LMO7: variants seen among roughly 807,000 people sequenced by gnomAD.
LMO7 encodes the protein LIM domain only protein 7.
Under a neutral mutation model 206.5 loss-of-function variants are expected in LMO7, and 120 were observed. That is an observed-to-expected ratio of 0.58 (90% CI 0.50 to 0.68). The LOEUF (loss-of-function observed/expected upper bound fraction) is 0.68, where lower values mean the gene tolerates loss of function less well. LMO7 is among the 30% of genes least tolerant of loss of function. The probability of loss-of-function intolerance (pLI) is 0.00; values close to 1 mark genes in which losing one functional copy is unlikely to be tolerated. For synonymous variants in LMO7, 706 were observed against 681.5 expected (o/e 1.04, Z -0.56); for missense variants, 1,959 against 1,957.9 (o/e 1.00, Z -0.01).
chr13:75,848,915 C>A (rs74979551), intron 26 of LMO7, 164 bp from the exon 27 acceptor site: 2 of 584,286 alleles, frequency 3.4e-6, no homozygotes, highest in African/African-American at 3.7e-5. Flanking sequence ...TTCACACCAA[C>A]GTCTATTATT....
Position 75,688,352 on chromosome 13 carries a change from C to T in LMO7, c.70-24830C>T, listed in dbSNP as rs1039190665. 5.9e-5 allele frequency among the ~76,000 whole-genome samples: 9 copies of T among 152,076 alleles called. No homozygotes were observed. The South Asian group carries it at 8.3e-4, about 14-fold the overall frequency. On this transcript the variant is annotated intron_variant, in intron 1 of 30. Coordinates refer to ENST00000377534, the MANE Select transcript of LMO7 (RefSeq NM_001306080.2). ...CATATGTATGCTTAGAATTCTTGTG[C>T]GAATAACAGAAAGCTCCATTTCATT...
In LMO7 at chr13:75,817,170, C is replaced by T. The variant is rs769803753; in HGVS notation, c.1956C>T (p.Ser652=). Residue 652 remains serine, a synonymous_variant, in exon 12 of 31, where the codon TCC becomes TCT. Coordinates refer to ENST00000377534, the MANE Select transcript of LMO7 (RefSeq NM_001306080.2). ...QKIYGENGSK[S]MSDVSAEDVQ... is the part of the protein sequence containing the mutation. ...AGTCTTTTTGTTGTAGGAGTAAGTC[C>T]ATGAGTGATGTCAGCGCAGAAGATG... 7 of 1,612,092 alleles carry T rather than the reference C, an allele frequency of 4.3e-6. No homozygotes were observed. In the African/African-American group the frequency reaches 9.4e-5, roughly 22 times the overall value.
chr13:75,641,253 A>G (rs2036502972), intron 1 of LMO7, among the ~76,000 whole-genome samples: 1 of 152,162 alleles, frequency 6.6e-6, no homozygotes, highest in Non-Finnish European at 1.5e-5. Flanking sequence ...AGTGGGGTTA[A>G]CCCATCTGCC....
intron 11 of LMO7, among the ~76,000 whole-genome samples, chr13:75,811,739 A>T (rs1325170216): frequency 6.6e-6 from 1 of 152,034 alleles, no homozygotes. Flanking sequence ...TCTTGCATGG[A>T]TTTATGTCTG....
At chr13:75,694,589 G>A (rs2041765786) in intron 1 of LMO7, among the ~76,000 whole-genome samples, 1 of 152,160 alleles carries the variant, frequency 6.6e-6, no homozygotes, top group South Asian at 2.1e-4. Flanking sequence ...GAACCAGAGT[G>A]GAGAGAATTA....
chr13:75,699,125 T>C (rs2042101148), intron 1 of LMO7, among the ~76,000 whole-genome samples: 1 of 152,176 alleles, frequency 6.6e-6, no homozygotes, highest in East Asian at 1.9e-4. Context: ...TGATGGCATG[T>C]ATTAGTACAG....
intron 1 of LMO7, among the ~76,000 whole-genome samples, chr13:75,659,924 G>T (rs1464232315): frequency 6.6e-6 from 1 of 151,692 alleles, no homozygotes; most frequent in African/African-American, 2.4e-5. Context: ...GAACTGTGTT[G>T]CCTTCTCTCT....
intron 1 of LMO7, among the ~76,000 whole-genome samples, chr13:75,655,895 A>G (rs1337105870): frequency 6.6e-6 from 1 of 151,886 alleles, no homozygotes; most frequent in African/African-American, 2.4e-5. Flanking sequence ...CTCAGGTCCC[A>G]TTTCTGGGCT....
intron 5 of LMO7, among the ~76,000 whole-genome samples, 200 bp from the exon 6 acceptor site, chr13:75,796,436 G>GC (rs1263022735): frequency 6.6e-6 from 1 of 152,122 alleles, no homozygotes; most frequent in East Asian, 1.9e-4. Flanking sequence ...CTGAGAACTT[G>GC]CTCAGAGACA....
At chr13:75,750,090 A>G (rs1017046066) in intron 3 of LMO7, among the ~76,000 whole-genome samples, 1 of 152,094 alleles carries the variant, frequency 6.6e-6, no homozygotes, top group Admixed American at 6.5e-5. Context: ...ACATCAAAGC[A>G]CACACAACTG....
At chr13:75,798,743 A>T (rs2140883325) in intron 6 of LMO7, among the ~76,000 whole-genome samples, 1 of 152,314 alleles carries the variant, frequency 6.6e-6, no homozygotes, top group South Asian at 2.1e-4. Context: ...TCGTTGGTGG[A>T]AGTTGTAGCA....
rs1207329987 is a variant in LMO7 at position 75,834,259 on chromosome 13, A to G, written c.3098A>G (p.Asp1033Gly). Residue 1033 changes from aspartate (D) to glycine (G), a missense_variant, in exon 17 of 31, where the codon GAT becomes GGT. Physicochemically the swap from Asp to Gly is moderately conservative, Grantham distance 94. Transcript: ENST00000377534. The stretch of plus-strand genomic sequence containing the variant: ...GCAGAATTTTCTCAGCTACAAGTAG[A>G]TGATGAAATTATTGCTATTAACAAC... ...SPAEFSQLQV[D>G]DEIIAINNTK... is the part of the protein sequence containing the mutation. 1 of 1,607,544 alleles carries G rather than the reference A, an allele frequency of 6.2e-7. No homozygotes were observed. Among genetic ancestry groups the G allele is most frequent in the Non-Finnish European group, 8.5e-7 (1 of 1,177,016 alleles).
chr13:75,724,810 C>G (rs9573635), intron 2 of LMO7, among the ~76,000 whole-genome samples: 6,259 of 152,104 alleles, frequency 0.041, 328 homozygotes, highest in African/African-American at 0.11. Flanking sequence ...TCTTGTAGTC[C>G]TTAGAATTGT....
chr13:75,709,915 G>A (rs2042954089), intron 1 of LMO7, among the ~76,000 whole-genome samples: 1 of 152,064 alleles, frequency 6.6e-6, no homozygotes, highest in Admixed American at 6.5e-5. Flanking sequence ...TTTCTTCTAG[G>A]GTTTTTATGG....
At chr13:75,802,702 A>G (rs2054914899) in intron 7 of LMO7, among the ~76,000 whole-genome samples, 1 of 152,190 alleles carries the variant, frequency 6.6e-6, no homozygotes, top group Non-Finnish European at 1.5e-5. Flanking sequence ...AAGAGTGCGT[A>G]AGTGAAGTCT....
At chr13:75,670,219 A>G (rs1477666705) in intron 1 of LMO7, among the ~76,000 whole-genome samples, 1 of 152,234 alleles carries the variant, frequency 6.6e-6, no homozygotes, top group African/African-American at 2.4e-5. Context: ...ATGCTGAAGT[A>G]GGGGAAGTTC....
rs751896130 is a variant in LMO7 at position 75,853,204 on chromosome 13, C to T, written c.4477C>T (p.Arg1493Cys). 1.7e-5 allele frequency: 28 copies of T among 1,614,020 alleles called. No homozygotes were observed. The highest frequency in any genetic ancestry group is 2.7e-5 in the African/African-American group (2 of 74,924). ...YASSSVQDFS[R>C]PPPQLVSTSN... The stretch of plus-strand genomic sequence containing the variant: ...TTCTTCCTCTGTGCAAGACTTTAGT[C>T]GCCCACCACCTCAGCTGGTGTCCAC... The change falls in exon 28 of 31, where the codon CGC becomes TGC. Residue 1493 changes from arginine (R) to cysteine (C), a missense_variant. By Grantham distance (180) the Arg-to-Cys change is radical. Transcript: ENST00000377534.
In LMO7 at chr13:75,666,447, C is replaced by T. The variant is rs1272053526; in HGVS notation, c.69+29721C>T. Among the ~76,000 whole-genome samples the T allele has an allele frequency of 2.6e-5, 4 of 152,184 alleles. 1 individual carries two copies. Among genetic ancestry groups the T allele is most frequent in the Non-Finnish European group, 5.9e-5 (4 of 68,040 alleles). On this transcript the variant is annotated intron_variant, in intron 1 of 30. Coordinates refer to ENST00000377534, the MANE Select transcript of LMO7 (RefSeq NM_001306080.2). The stretch of plus-strand genomic sequence containing the variant: ...ATAGTAGAAATCTTCCTAAAGTGTT[C>T]TCATTTCTGCTCTGTTCTAGAATGA...
At chr13:75,816,649 GCGGA>G in intron 11 of LMO7, 1 of 148,412 alleles carries the variant, frequency 6.7e-6, no homozygotes, top group East Asian at 2.1e-4. Flanking sequence ...CAGTGGTAGG[GCGGA>G]TCTTATAGGA....
Sources: gnomAD v4.1 joint callset for allele counts (sites outside exome capture counted in the v4.1 genomes callset) on GRCh38, gnomAD v4.1.1 for gene constraint, MANE v1.5 for transcripts, NCBI Gene and HGNC (gene_info 2026-07-23, HGNC 2026-07-21) for gene names.